The following PPP2R5E variants were observed in gnomAD, a reference collection of about 807,000 sequenced individuals.
PPP2R5E encodes serine/threonine-protein phosphatase 2A 56 kDa regulatory subunit epsilon isoform.
In PPP2R5E, 4 loss-of-function variants were observed where a neutral mutation model predicts 65.3. The observed-to-expected ratio is 0.06, with a 90% CI of 0.03 to 0.14. PPP2R5E has a LOEUF of 0.14. Ranked by LOEUF, PPP2R5E falls within the 10% of genes least tolerant of loss-of-function variation. PPP2R5E has a pLI of 1.00. For missense variants in PPP2R5E, 274 were observed against 556.1 expected (o/e 0.49, Z 5.10); for synonymous variants, 183 against 187.4 (o/e 0.98, Z 0.19).
At chr14:63,384,725 A>G (rs549501252) in intron 11 of PPP2R5E, among the ~76,000 whole-genome samples, 154 bp from the exon 12 acceptor site, 1 of 152,238 alleles carries the variant, frequency 6.6e-6, no homozygotes, top group South Asian at 2.1e-4. Flanking sequence ...TAATATATAT[A>G]TATTTTTTGA....
chr14:63,493,476 G>GCA (rs1891382296), intron 2 of PPP2R5E, among the ~76,000 whole-genome samples: 2 of 133,468 alleles, frequency 1.5e-5, no homozygotes, highest in Admixed American at 7.0e-5. Flanking sequence ...CCAAATTACC[G>GCA]CGCGCGCGTG....
intron 5 of PPP2R5E, 33 bp from the exon 6 acceptor site, chr14:63,396,749 A>T: frequency 1.9e-6 from 3 of 1,598,940 alleles, no homozygotes; most frequent in Non-Finnish European, 2.6e-6. Flanking sequence ...TAGCTGTCAA[A>T]GGCGGTTTCA....
chr14:63,515,030 T>C (rs972533907), intron 2 of PPP2R5E, among the ~76,000 whole-genome samples: 1 of 152,202 alleles, frequency 6.6e-6, no homozygotes, highest in Non-Finnish European at 1.5e-5. Context: ...GCAATATCTC[T>C]GTGTCTTTAT....
Position 63,383,662 on chromosome 14 carries a change from T to C in PPP2R5E, c.1202+782A>G, listed in dbSNP as rs181952412. Among the ~76,000 whole-genome samples the C allele has an allele frequency of 7.5e-4, 114 of 152,356 alleles. 2 individuals are homozygous for C. The highest frequency in any genetic ancestry group is 1.5e-4 in the Non-Finnish European group (10 of 68,038). ...TTTTTAAAGATAAACATATTATGAA[T>C]ATACTGAATTGTATCTCCCAATTTT... On this transcript the variant is annotated intron_variant, in intron 12 of 13. Transcript: ENST00000337537.
intron 2 of PPP2R5E, among the ~76,000 whole-genome samples, chr14:63,495,417 C>CAAAAAAAAAAAAAAAAAAAA (rs772700927): frequency 2.1e-5 from 2 of 93,232 alleles, no homozygotes; most frequent in Non-Finnish European, 4.6e-5. Context: ...ACTAAAAATA[C>CAAAAAAAAAAAAAAAAAAAA]AAAAAAAAAA....
chr14:63,540,597 C>G (rs1370838837), intron 1 of PPP2R5E, among the ~76,000 whole-genome samples: 1 of 150,938 alleles, frequency 6.6e-6, no homozygotes, highest in African/African-American at 2.4e-5. Context: ...GTGGCGCATG[C>G]CTGTAATCCC....
At chr14:63,509,432 C>T (rs567985188) in intron 2 of PPP2R5E, among the ~76,000 whole-genome samples, 3 of 151,944 alleles carry the variant, frequency 2.0e-5, no homozygotes, top group African/African-American at 7.2e-5. Flanking sequence ...CACCACCACA[C>T]CCAGCTAATT....
At chr14:63,475,999 A>G (rs1890394210) in intron 2 of PPP2R5E, among the ~76,000 whole-genome samples, 1 of 152,210 alleles carries the variant, frequency 6.6e-6, no homozygotes, top group Admixed American at 6.5e-5. Context: ...TTCAAACATG[A>G]ATACATACAT....
chr14:63,513,104 T>A (rs1892527778), intron 2 of PPP2R5E, among the ~76,000 whole-genome samples: 1 of 152,084 alleles, frequency 6.6e-6, no homozygotes, highest in African/African-American at 2.4e-5. Context: ...ACTGTTTGGA[T>A]GGTTAAATGA....
chr14:63,520,859 C>CAAAAAAAAAAAAAAAAAAA (rs748146106), intron 2 of PPP2R5E, among the ~76,000 whole-genome samples: 2 of 58,528 alleles, frequency 3.4e-5, no homozygotes, highest in African/African-American at 4.2e-5. Context: ...ACTAAAAATA[C>CAAAAAAAAAAAAAAAAAAA]AAAAAAAAAA....
At chr14:63,519,443 C>T (rs1257509343) in intron 2 of PPP2R5E, among the ~76,000 whole-genome samples, 1 of 150,832 alleles carries the variant, frequency 6.6e-6, no homozygotes, top group Non-Finnish European at 1.5e-5. Flanking sequence ...CTCTGCCTCC[C>T]GGGTTCAAGT....
intron 4 of PPP2R5E, among the ~76,000 whole-genome samples, chr14:63,419,058 G>T (rs1886862993): frequency 1.3e-5 from 2 of 152,210 alleles, no homozygotes; most frequent in Admixed American, 1.3e-4. Flanking sequence ...TGTTAGCCAG[G>T]CTGCTCTCAA....
intron 2 of PPP2R5E, among the ~76,000 whole-genome samples, chr14:63,516,227 C>T (rs2139710288): frequency 6.6e-6 from 1 of 152,206 alleles, no homozygotes; most frequent in East Asian, 1.9e-4. Flanking sequence ...TCAACAGAAA[C>T]TGAAGACATG....
At chr14:63,389,968 AC>A (rs1399947460) in intron 10 of PPP2R5E, among the ~76,000 whole-genome samples, 2 of 152,106 alleles carry the variant, frequency 1.3e-5, no homozygotes, top group Non-Finnish European at 2.9e-5. Flanking sequence ...TATATATATT[AC>A]ATAGAACGAG....
chr14:63,468,699 A>G (rs914260577), intron 2 of PPP2R5E, among the ~76,000 whole-genome samples: 3 of 151,124 alleles, frequency 2.0e-5, no homozygotes, highest in African/African-American at 7.3e-5. Flanking sequence ...AAATAAATAA[A>G]CAAGCAATGT....
intron 2 of PPP2R5E, among the ~76,000 whole-genome samples, chr14:63,478,196 T>C (rs1013263910): frequency 1.3e-5 from 2 of 152,150 alleles, no homozygotes; most frequent in African/African-American, 4.8e-5. Flanking sequence ...GAATGACAAC[T>C]TGTGGTCCTC....
At chr14:63,392,743 G>A (rs1208688255) in intron 8 of PPP2R5E, among the ~76,000 whole-genome samples, 1 of 152,138 alleles carries the variant, frequency 6.6e-6, no homozygotes, top group Non-Finnish European at 1.5e-5. Flanking sequence ...ATTTTTCCTC[G>A]AAATAGAGAA....
At chr14:63,522,378 G>A (rs1892956584) in intron 2 of PPP2R5E, among the ~76,000 whole-genome samples, 1 of 151,648 alleles carries the variant, frequency 6.6e-6, no homozygotes, top group African/African-American at 2.4e-5. Context: ...CGTCTGGGAA[G>A]TGAGGAGCGT....
chr14:63,395,421 A>C (rs1396257520), intron 6 of PPP2R5E, 136 bp from the exon 7 acceptor site: 1 of 136,952 alleles, frequency 7.3e-6, no homozygotes, highest in Non-Finnish European at 1.3e-5. Context: ...GGAAGAGAGG[A>C]GGAGAGGGAG....
Sources: gnomAD v4.1 joint callset for allele counts (sites outside exome capture counted in the v4.1 genomes callset) on GRCh38, gnomAD v4.1.1 for gene constraint, MANE v1.5 for transcripts, NCBI Gene and HGNC (gene_info 2026-07-23, HGNC 2026-07-21) for gene names.